The following ROBO2 variants were observed in gnomAD, a reference collection of about 807,000 sequenced individuals.
ROBO2 encodes the protein roundabout homolog 2.
A neutral mutation model predicts 160.8 loss-of-function variants in ROBO2; 53 were observed. The ratio of observed to expected loss-of-function variants is 0.33; its 90% CI spans 0.26 to 0.41. The LOEUF (loss-of-function observed/expected upper bound fraction) is 0.41, where lower values mean the gene tolerates loss of function less well. ROBO2 is among the 10% of genes least tolerant of loss of function. The pLI is 1.00. For synonymous variants in ROBO2, 664 were observed against 611.7 expected (o/e 1.09, Z -1.26); for missense variants, 1,577 against 1,722.4 (o/e 0.92, Z 1.49).
chr3:77,436,056 T>C (rs34498380), intron 2 of ROBO2, among the ~76,000 whole-genome samples: 18,172 of 150,860 alleles, frequency 0.12, 1,595 homozygotes, highest in African/African-American at 0.24. Flanking sequence ...ATGATATGGA[T>C]TCAGTCCTGC....
intron 2 of ROBO2, among the ~76,000 whole-genome samples, chr3:76,719,182 C>T (rs2093427934): frequency 6.6e-6 from 1 of 152,136 alleles, no homozygotes. Context: ...GTACATACAA[C>T]AGAAACTGTG....
intron 2 of ROBO2, among the ~76,000 whole-genome samples, chr3:75,954,314 C>T (rs936235675): frequency 5.3e-5 from 8 of 151,784 alleles, no homozygotes; most frequent in Non-Finnish European, 1.2e-4. Flanking sequence ...TTATCAGGTC[C>T]CTTTGGGTTA....
At chr3:77,321,066 T>G (rs2064635902) in intron 2 of ROBO2, among the ~76,000 whole-genome samples, 1 of 152,144 alleles carries the variant, frequency 6.6e-6, no homozygotes, top group South Asian at 2.1e-4. Flanking sequence ...GGGTTTTAGA[T>G]TTTTTTCATA....
At chr3:76,924,552 G>C (rs910081181) in intron 2 of ROBO2, among the ~76,000 whole-genome samples, 1 of 152,108 alleles carries the variant, frequency 6.6e-6, no homozygotes, top group Non-Finnish European at 1.5e-5. Flanking sequence ...TTTTGTTATA[G>C]CAGCCTGAAC....
chr3:77,251,112 G>T (rs954348255), intron 2 of ROBO2, among the ~76,000 whole-genome samples: 9 of 152,178 alleles, frequency 5.9e-5, no homozygotes, highest in Admixed American at 5.2e-4. Flanking sequence ...CATTGCCTTA[G>T]TAGGGAATCT....
chr3:76,591,957 A>T (rs2108834953), intron 2 of ROBO2, among the ~76,000 whole-genome samples: 1 of 152,232 alleles, frequency 6.6e-6, no homozygotes, highest in South Asian at 2.1e-4. Flanking sequence ...AGCTTGGTTC[A>T]CTGTGATATT....
chr3:76,264,059 G>T (rs938816459), intron 2 of ROBO2, among the ~76,000 whole-genome samples: 2 of 152,138 alleles, frequency 1.3e-5, no homozygotes, highest in Non-Finnish European at 2.9e-5. Flanking sequence ...TCACACTCCT[G>T]GGCCTTTCAG....
intron 2 of ROBO2, among the ~76,000 whole-genome samples, chr3:76,958,489 T>A (rs140380437): frequency 6.6e-6 from 1 of 152,246 alleles, no homozygotes; most frequent in Admixed American, 6.5e-5. Flanking sequence ...AGTAATTCAC[T>A]CTGTAGTGAT....
intron 2 of ROBO2, among the ~76,000 whole-genome samples, chr3:77,218,912 A>G (rs1340534991): frequency 6.6e-6 from 1 of 152,118 alleles, no homozygotes. Context: ...ATGTTCTTGA[A>G]TGAGTGGAAT....
chr3:76,567,650 TATACAC>T lies in ROBO2; in HGVS notation c.110-530354_110-530349del, dbSNP rs1374271091. ...ATATATATATATATATATATATATA[TATACAC>T]ATACACATATATATACATATATATG... On this transcript the variant is annotated intron_variant, in intron 2 of 26. Transcript: ENST00000487694. 2.2e-4 allele frequency among the ~76,000 whole-genome samples: 19 copies of T among 87,172 alleles called. No homozygotes were observed. In the East Asian group the frequency reaches 2.3e-3, roughly 11 times the overall value. 57.2% of individuals were successfully genotyped at this position (87,172 alleles called of 152,430 possible).
At chr3:76,780,626 G>C (rs1334475769) in intron 2 of ROBO2, among the ~76,000 whole-genome samples, 1 of 150,516 alleles carries the variant, frequency 6.6e-6, no homozygotes, top group Non-Finnish European at 1.5e-5. Context: ...CAGTTTAAGG[G>C]TTCAATTTTA....
rs146572571 is a variant in ROBO2 at position 77,335,709 on chromosome 3, C to A, written c.389-141705C>A. Among the ~76,000 whole-genome samples, 310 of 152,038 alleles carry A rather than the reference C, an allele frequency of 2.0e-3. 3 individuals are homozygous for A. The highest frequency in any genetic ancestry group is 6.4e-3 in the African/African-American group (264 of 41,468). ...CCAAGTGTTAGGTTATTCTCTGATT[C>A]GGAGTAGCCATCAAGAAAAAGGAAG... On this transcript the variant is annotated intron_variant, in intron 2 of 25. Coordinates refer to ENST00000461745, the Ensembl canonical transcript of ROBO2.
intron 2 of ROBO2, among the ~76,000 whole-genome samples, chr3:77,163,539 A>G (rs948382464): frequency 2.6e-5 from 4 of 152,240 alleles, no homozygotes; most frequent in East Asian, 3.8e-4. Flanking sequence ...GAGGTCAACT[A>G]TAATTGCTGG....
At chr3:76,109,090 C>G (rs1371213607) in intron 2 of ROBO2, among the ~76,000 whole-genome samples, 5 of 151,812 alleles carry the variant, frequency 3.3e-5, no homozygotes. Context: ...TTTAAATAAC[C>G]TACAATATTG....
intron 2 of ROBO2, among the ~76,000 whole-genome samples, chr3:77,132,634 T>C (rs959106371): frequency 2.6e-5 from 4 of 152,010 alleles, no homozygotes; most frequent in Non-Finnish European, 5.9e-5. Flanking sequence ...CTTTCAACTA[T>C]TGCAAATAGA....
chr3:76,115,038 CTTTAAACAAGA>C (rs1473229171), intron 2 of ROBO2, among the ~76,000 whole-genome samples: 2 of 152,058 alleles, frequency 1.3e-5, no homozygotes, highest in African/African-American at 4.8e-5. Context: ...TTTTAAACAA[CTTTAAACAAGA>C]TTTAAACAAT....
At chr3:76,518,545 T>G (rs894605446) in intron 2 of ROBO2, among the ~76,000 whole-genome samples, 5 of 152,184 alleles carry the variant, frequency 3.3e-5, no homozygotes, top group African/African-American at 1.2e-4. Context: ...GAATGAATCA[T>G]ACTGTAGTAC....
chr3:76,775,084 A>C (rs2108540207), intron 2 of ROBO2, among the ~76,000 whole-genome samples: 1 of 150,770 alleles, frequency 6.6e-6, no homozygotes, highest in South Asian at 2.1e-4. Flanking sequence ...CTAAAAACTT[A>C]TTTTTCTAAA....
At chr3:76,267,253 C>T (rs893877983) in intron 2 of ROBO2, among the ~76,000 whole-genome samples, 8 of 152,074 alleles carry the variant, frequency 5.3e-5, no homozygotes, top group Non-Finnish European at 1.0e-4. Flanking sequence ...TATTAACTTG[C>T]CTTTGGCAAA....
Sources: allele counts gnomAD v4.1 joint callset (sites outside exome capture counted in the v4.1 genomes callset), GRCh38; gene constraint gnomAD v4.1.1; transcripts MANE v1.5; gene names NCBI Gene and HGNC (gene_info 2026-07-23, HGNC 2026-07-21).